The following DPP6 variants were observed in gnomAD, a reference collection of about 807,000 sequenced individuals.
DPP6 encodes A-type potassium channel modulatory protein DPP6.
A neutral mutation model predicts 122.6 loss-of-function variants in DPP6; 69 were observed. The observed-to-expected ratio is 0.56, with a 90% CI of 0.46 to 0.69. The LOEUF is 0.69. Among genes scored for constraint, DPP6 ranks in the 30% least tolerant of loss-of-function variants. The pLI, the probability that DPP6 is intolerant of heterozygous loss-of-function variation, is 0.00. For synonymous variants in DPP6, 418 were observed against 433.1 expected, an observed-to-expected ratio of 0.97 and a Z score of 0.43; for missense variants, 928 against 1,116.9, an observed-to-expected ratio of 0.83 and a Z score of 2.41.
At chr7:154,645,575 C>T (rs1269910163) in intron 6 of DPP6, among the ~76,000 whole-genome samples, 1 of 152,126 alleles carries the variant, frequency 6.6e-6, no homozygotes, top group Non-Finnish European at 1.5e-5. Context: ...CCCCAGTCTT[C>T]GTTTCTACTT....
intron 3 of DPP6, among the ~76,000 whole-genome samples, chr7:154,500,154 A>C (rs1277612595): frequency 6.6e-6 from 1 of 152,204 alleles, no homozygotes; most frequent in African/African-American, 2.4e-5. Context: ...GTGACCAGCC[A>C]AAGCCACAGG....
intron 5 of DPP6, among the ~76,000 whole-genome samples, chr7:154,583,256 T>G (rs902337593): frequency 2.0e-5 from 3 of 152,212 alleles, no homozygotes; most frequent in African/African-American, 7.2e-5. Context: ...AAGGTCAAGG[T>G]GCCAGCAGGT....
Position 154,091,064 on chromosome 7 carries a change from T to A in DPP6, c.243+38001T>A, listed in dbSNP as rs1297411805. 7.4e-5 allele frequency among the ~76,000 whole-genome samples: 11 copies of A among 149,576 alleles called. 1 individual carries two copies. In the East Asian group the frequency reaches 2.2e-3, roughly 29 times the overall value. ...TGAACCCAGGAGGTGGAGCTTGCAGTGAGCCGAGACTGCGCCACTGCACTC... is the reference window on the plus strand; with the variant it reads ...TGAACCCAGGAGGTGGAGCTTGCAGAGAGCCGAGACTGCGCCACTGCACTC... On this transcript the variant is annotated intron_variant, in intron 1 of 25. Transcript: ENST00000377770.
intron 1 of DPP6, among the ~76,000 whole-genome samples, chr7:154,076,661 G>T (rs1803574151): frequency 6.6e-6 from 1 of 151,236 alleles, no homozygotes; most frequent in African/African-American, 2.4e-5. Flanking sequence ...CACAGATTGA[G>T]AGGAGAAAAT....
intron 1 of DPP6, among the ~76,000 whole-genome samples, chr7:154,000,779 A>C (rs1044728072): frequency 2.7e-4 from 41 of 152,074 alleles, no homozygotes; most frequent in Admixed American, 7.9e-4. Flanking sequence ...ACAGCACTCT[A>C]TGGCTAGAGG....
intron 6 of DPP6, among the ~76,000 whole-genome samples, chr7:154,658,156 G>A (rs1218293476): frequency 6.6e-6 from 1 of 152,182 alleles, no homozygotes; most frequent in Non-Finnish European, 1.5e-5. Flanking sequence ...CAGGCAAAGG[G>A]TGAACCCTAA....
intron 10 of DPP6, among the ~76,000 whole-genome samples, chr7:154,779,015 C>CA (rs376330223): frequency 0.093 from 229 of 2,458 alleles, no homozygotes; most frequent in Middle Eastern, 0.17. Flanking sequence ...CCACCAGCAC[C>CA]CCACCATCAC....
chr7:154,287,390 C>T (rs761467568), intron 1 of DPP6, among the ~76,000 whole-genome samples: 6 of 152,198 alleles, frequency 3.9e-5, no homozygotes, highest in Non-Finnish European at 5.9e-5. Flanking sequence ...TCATGCTGGG[C>T]AGGTTGCCGG....
At chr7:153,768,884 A>C in the DPP6 span, among the ~76,000 whole-genome samples, 2 of 152,226 alleles carry the variant, frequency 1.3e-5, no homozygotes, top group East Asian at 1.9e-4. Flanking sequence ...CTTAACACCC[A>C]AATTCTATGA....
chr7:153,839,847 T>G, the DPP6 span, among the ~76,000 whole-genome samples: 1 of 152,216 alleles, frequency 6.6e-6, no homozygotes, highest in Non-Finnish European at 1.5e-5. Context: ...GATCCAAAAA[T>G]GTGTTTCTGA....
chr7:153,832,119 C>T, the DPP6 span, among the ~76,000 whole-genome samples: 6 of 152,240 alleles, frequency 3.9e-5, no homozygotes, highest in East Asian at 5.8e-4. Flanking sequence ...TATGAACATA[C>T]CATATTATAT....
rs117317008 is a variant in DPP6, at chr7:154,784,023, A to G, written c.1137-10056A>G. Reference sequence around the variant, plus strand: ...CTATAGGGGCAAAGACACCTGGGGAACTGCACAAGGAAAGGAGAGTTTTCG... The same window carrying G: ...CTATAGGGGCAAAGACACCTGGGGAGCTGCACAAGGAAAGGAGAGTTTTCG... On this transcript the variant is annotated intron_variant, in intron 10 of 25. Coordinates refer to ENST00000377770, the MANE Select transcript of DPP6 (RefSeq NM_130797.4). Among the ~76,000 whole-genome samples, 49 of 152,196 alleles carry G rather than the reference A, an allele frequency of 3.2e-4. 1 individual carries two copies. In the East Asian group the frequency reaches 8.5e-3, roughly 26 times the overall value.
At chr7:154,140,463 GGTTT>G (rs113495747) in intron 1 of DPP6, among the ~76,000 whole-genome samples, 36,362 of 150,480 alleles carry the variant, frequency 0.24, 4,521 homozygotes, top group East Asian at 0.4. Context: ...TTGGTTTTGG[GGTTT>G]GTTTGTTTGT....
At chr7:154,010,676 G>T (rs968852318) in intron 1 of DPP6, among the ~76,000 whole-genome samples, 16 of 152,146 alleles carry the variant, frequency 1.1e-4, no homozygotes, top group Non-Finnish European at 2.1e-4. Flanking sequence ...TATAGAAATG[G>T]GCTTTTGCTT....
chr7:153,879,732 T>A, the DPP6 span, among the ~76,000 whole-genome samples: 3 of 152,212 alleles, frequency 2.0e-5, no homozygotes, highest in Non-Finnish European at 2.9e-5. Context: ...GTTTCTCTTT[T>A]CTATAACTCG....
At chr7:154,613,356 T>C (rs1224143678) in intron 5 of DPP6, among the ~76,000 whole-genome samples, 1 of 152,048 alleles carries the variant, frequency 6.6e-6, no homozygotes, top group African/African-American at 2.4e-5. Context: ...GTGCTGTGGC[T>C]CACGTATAAT....
intron 1 of DPP6, among the ~76,000 whole-genome samples, chr7:154,205,001 C>A (rs1422013663): frequency 6.6e-6 from 1 of 152,166 alleles, no homozygotes; most frequent in Non-Finnish European, 1.5e-5. Flanking sequence ...CTGCTCCAAT[C>A]TTTACATTTT....
chr7:154,660,658 G>GT (rs1837598626), intron 6 of DPP6, among the ~76,000 whole-genome samples: 1 of 130,146 alleles, frequency 7.7e-6, no homozygotes, highest in African/African-American at 3.2e-5. Context: ...TCACCATGGC[G>GT]TATTGGCCGT....
At position 154,449,499 on chromosome 7, in the gene DPP6, GTGTGGCCTC is replaced by G. The variant is rs1252073314; in HGVS notation, c.358+3177_358+3185del. ...TACATTACTAGTAGAAAGATAAATT[GTGTGGCCTC>G]TGTGGAAAATAGTTCAGTAGTTCTC... On this transcript the variant is annotated intron_variant, in intron 2 of 25. Coordinates refer to ENST00000377770, the MANE Select transcript of DPP6 (RefSeq NM_130797.4). Among the ~76,000 whole-genome samples the G allele has an allele frequency of 5.3e-5, 8 of 152,116 alleles. 1 individual carries two copies. The South Asian group carries it at 1.0e-3, about 20-fold the overall frequency.
Sources: gnomAD v4.1 joint callset for allele counts (sites outside exome capture counted in the v4.1 genomes callset) on GRCh38, gnomAD v4.1.1 for gene constraint, MANE v1.5 for transcripts, NCBI Gene and HGNC (gene_info 2026-07-23, HGNC 2026-07-21) for gene names.